Variants in TP63 observed in about 807,000 individuals in gnomAD.
The protein encoded by TP63 is tumor protein p63.
Under a neutral mutation model 82.8 loss-of-function variants are expected in TP63, and 17 were observed. The observed-to-expected ratio is 0.21, with a 90% CI of 0.14 to 0.31. TP63 has a LOEUF of 0.31. TP63 is among the 10% of genes least tolerant of loss of function. TP63 has a pLI of 1.00. For missense variants in TP63, 648 were observed against 895.3 expected, an observed-to-expected ratio of 0.72 and a Z score of 3.52; for synonymous variants, 330 against 321.7, an observed-to-expected ratio of 1.03 and a Z score of -0.28.
intron 1 of TP63, among the ~76,000 whole-genome samples, chr3:189,712,846 T>A (rs529857303): frequency 2.0e-5 from 3 of 152,172 alleles, no homozygotes; most frequent in Admixed American, 6.5e-5. Context: ...TATTATGAGA[T>A]GAGTTTAAGC....
At chr3:189,720,857 C>T (rs1012596032) in intron 1 of TP63, among the ~76,000 whole-genome samples, 6 of 152,012 alleles carry the variant, frequency 3.9e-5, no homozygotes, top group Admixed American at 2.0e-4. Context: ...AGCCATCTCA[C>T]ACTAAGAGAC....
At chr3:189,871,471 C>G (rs536942991) in intron 9 of TP63, among the ~76,000 whole-genome samples, 1 of 152,230 alleles carries the variant, frequency 6.6e-6, no homozygotes, top group South Asian at 2.1e-4. Context: ...AGAGTAAGAT[C>G]AAGAAAAGCT....
At chr3:189,819,506 C>T (rs149776863) in intron 4 of TP63, among the ~76,000 whole-genome samples, 2,036 of 152,078 alleles carry the variant, frequency 0.013, 40 homozygotes, top group African/African-American at 0.047. Flanking sequence ...CAGGTGTTCT[C>T]ATTGTTCAAT....
chr3:189,790,029 G>T (rs1724978926), intron 3 of TP63, among the ~76,000 whole-genome samples: 1 of 150,788 alleles, frequency 6.6e-6, no homozygotes, highest in Non-Finnish European at 1.5e-5. Flanking sequence ...TTATTAAGTA[G>T]GAGATGAAAC....
chr3:189,896,840 G>A lies in TP63; in HGVS notation c.*2338G>A, dbSNP rs949561023. 13 of 213,104 alleles carry A rather than the reference G, an allele frequency of 6.1e-5. No individual in the cohort carries two copies. Among genetic ancestry groups the A allele is most frequent in the African/African-American group, 2.9e-4 (13 of 44,200 alleles). The allele number at this position is 213,104 out of a possible 1,614,324, so 13.2% of individuals were successfully genotyped here. Reference sequence around the variant, plus strand: ...AAGGGGTAAAAGGATAGTAAGCATAGAAACCACTAGAAAGTGGGCTTAATG... The same window carrying A: ...AAGGGGTAAAAGGATAGTAAGCATAAAAACCACTAGAAAGTGGGCTTAATG... On this transcript the variant is annotated 3_prime_UTR_variant, in exon 14 of 14. Transcript: ENST00000264731.
intron 4 of TP63, among the ~76,000 whole-genome samples, chr3:189,848,451 TCAAGCA>T (rs780046289): frequency 9.0e-4 from 137 of 151,934 alleles, no homozygotes; most frequent in Admixed American, 3.8e-3. Context: ...ATTCTTGGGT[TCAAGCA>T]ATACTCCTGC....
intron 4 of TP63, among the ~76,000 whole-genome samples, chr3:189,842,203 A>G (rs1345748212): frequency 6.6e-6 from 1 of 152,076 alleles, no homozygotes; most frequent in African/African-American, 2.4e-5. Flanking sequence ...GGGGGTTGCA[A>G]CGTATTGTCT....
At chr3:189,840,359 C>CTTTTTTTTTTTTTTTTTTTTTTTTTTTT in intron 4 of TP63, among the ~76,000 whole-genome samples, 2 of 44,448 alleles carry the variant, frequency 4.5e-5, no homozygotes, top group Non-Finnish European at 7.8e-5. Context: ...TGCTTTTCGT[C>CTTTTTTTTTTTTTTTTTTTTTTTTTTTT]TTTTTTTTTT....
chr3:189,834,026 G>T (rs532942370), intron 4 of TP63, among the ~76,000 whole-genome samples: 1 of 152,288 alleles, frequency 6.6e-6, no homozygotes, highest in East Asian at 1.9e-4. Flanking sequence ...GTATGTGAGC[G>T]TATGTGCATT....
At position 189,858,435 on chromosome 3, in the gene TP63, T is replaced by C. The variant is rs1012144572; in HGVS notation, c.580-5797T>C. On this transcript the variant is annotated intron_variant, in intron 4 of 13. Coordinates refer to ENST00000264731, the MANE Select transcript of TP63 (RefSeq NM_003722.5). ...AAAAAAAAAAAAAAAAAAAAGAAAA[T>C]GTTGTGTATATGCACAGTAGAATAC... Among the ~76,000 whole-genome samples, 7 of 140,506 alleles carry C rather than the reference T, an allele frequency of 5.0e-5. 2 individuals carry two copies. The highest frequency in any genetic ancestry group is 7.4e-5 in the Admixed American group (1 of 13,572). 92.2% of individuals were successfully genotyped at this position (140,506 alleles called of 152,430 possible).
chr3:189,679,889 A>G (rs982081479), intron 1 of TP63, among the ~76,000 whole-genome samples: 1 of 152,014 alleles, frequency 6.6e-6, no homozygotes, highest in Non-Finnish European at 1.5e-5. Flanking sequence ...TCCCTATTGT[A>G]TGTTCTTGGC....
chr3:189,752,556 C>T (rs1283840956), intron 3 of TP63, among the ~76,000 whole-genome samples: 1 of 151,902 alleles, frequency 6.6e-6, no homozygotes, highest in Non-Finnish European at 1.5e-5. Context: ...CTTGTGTTTC[C>T]TCTCTTTTCT....
intron 4 of TP63, among the ~76,000 whole-genome samples, chr3:189,829,060 A>G (rs1711888287): frequency 6.6e-6 from 1 of 152,202 alleles, no homozygotes; most frequent in Non-Finnish European, 1.5e-5. Flanking sequence ...GCTGAGTACT[A>G]AAGACCATAA....
intron 4 of TP63, among the ~76,000 whole-genome samples, chr3:189,834,723 G>T (rs1712867770): frequency 6.6e-6 from 1 of 151,418 alleles, no homozygotes; most frequent in African/African-American, 2.4e-5. Context: ...AGAGTTTGGT[G>T]CTCTAGACAG....
At chr3:189,617,890 G>A in the TP63 span, among the ~76,000 whole-genome samples, 7,797 of 152,190 alleles carry the variant, frequency 0.051, 214 homozygotes, top group Middle Eastern at 0.068. Flanking sequence ...AGCTTCCTAT[G>A]AGTTGGATTG....
At chr3:189,882,981 A>G (rs1720084730) in intron 10 of TP63, among the ~76,000 whole-genome samples, 2 of 152,130 alleles carry the variant, frequency 1.3e-5, no homozygotes, top group Admixed American at 1.3e-4. Context: ...AGAGAAAACA[A>G]CCTGAGGTAT....
chr3:189,688,660 G>A (rs903741114), intron 1 of TP63, among the ~76,000 whole-genome samples: 1 of 152,134 alleles, frequency 6.6e-6, no homozygotes, highest in African/African-American at 2.4e-5. Context: ...ATTGGTAAGG[G>A]AGCTGATAAA....
chr3:189,809,028 G>T (rs1022546883), intron 4 of TP63, among the ~76,000 whole-genome samples: 20 of 151,834 alleles, frequency 1.3e-4, no homozygotes, highest in Non-Finnish European at 2.1e-4. Flanking sequence ...ATACATGTAG[G>T]TATCAATAAA....
At chr3:189,736,220 C>G (rs1283090144) in intron 1 of TP63, among the ~76,000 whole-genome samples, 1 of 150,904 alleles carries the variant, frequency 6.6e-6, no homozygotes, top group African/African-American at 2.4e-5. Flanking sequence ...TTCTCTGTCT[C>G]TCTCACCATA....
Sources: gnomAD v4.1 joint callset for allele counts (sites outside exome capture counted in the v4.1 genomes callset) on GRCh38, gnomAD v4.1.1 for gene constraint, MANE v1.5 for transcripts, NCBI Gene and HGNC (gene_info 2026-07-23, HGNC 2026-07-21) for gene names.